DGKI: variants seen among roughly 807,000 people sequenced by gnomAD.
DGKI encodes the protein diacylglycerol kinase iota.
A neutral mutation model predicts 147.5 loss-of-function variants in DGKI; 55 were observed. The observed-to-expected ratio is 0.37, with a 90% confidence interval of 0.30 to 0.47. The LOEUF (loss-of-function observed/expected upper bound fraction) is 0.47. Ranked by LOEUF, DGKI falls within the 20% of genes least tolerant of loss-of-function variation. DGKI has a pLI of 1.00. For missense variants in DGKI, 1,007 were observed against 1,323.8 expected (o/e 0.76, Z 3.71); for synonymous variants, 469 against 477.1 (o/e 0.98, Z 0.22).
intron 27 of DGKI, among the ~76,000 whole-genome samples, chr7:137,460,718 G>T (rs1395529040): frequency 6.6e-6 from 1 of 152,136 alleles, no homozygotes; most frequent in African/African-American, 2.4e-5. Flanking sequence ...TCAGATTACA[G>T]ATTTTCCAAT....
At chr7:137,536,326 G>C (rs1817519471) in intron 20 of DGKI, among the ~76,000 whole-genome samples, 1 of 152,110 alleles carries the variant, frequency 6.6e-6, no homozygotes, top group African/African-American at 2.4e-5. Context: ...GAAGTTAGTA[G>C]GGTGTTAAAT....
At chr7:137,699,493 C>A (rs1386324454) in intron 1 of DGKI, among the ~76,000 whole-genome samples, 3 of 152,140 alleles carry the variant, frequency 2.0e-5, no homozygotes, top group Admixed American at 1.3e-4. Context: ...GCAGTGAGGT[C>A]TAATGAATAT....
chr7:137,778,572 G>C (rs1252581814), intron 1 of DGKI, among the ~76,000 whole-genome samples: 1 of 151,620 alleles, frequency 6.6e-6, no homozygotes, highest in Non-Finnish European at 1.5e-5. Context: ...TTGTTCCACA[G>C]ATAACAATTT....
intron 19 of DGKI, among the ~76,000 whole-genome samples, chr7:137,561,677 T>C (rs1309503122): frequency 6.6e-6 from 1 of 152,146 alleles, no homozygotes; most frequent in African/African-American, 2.4e-5. Flanking sequence ...ATGTATTCCA[T>C]CAATATGCAC....
At chr7:137,713,893 C>A (rs1794289919) in intron 1 of DGKI, among the ~76,000 whole-genome samples, 1 of 152,158 alleles carries the variant, frequency 6.6e-6, no homozygotes, top group South Asian at 2.1e-4. Flanking sequence ...CCCACCTCAG[C>A]CTCCCAAAGC....
At chr7:137,538,970 T>C (rs953223464) in intron 20 of DGKI, among the ~76,000 whole-genome samples, 1 of 151,824 alleles carries the variant, frequency 6.6e-6, no homozygotes, top group African/African-American at 2.4e-5. Context: ...GAAAGAGCTC[T>C]GGCAAAATGC....
chr7:137,717,334 AT>A (rs929178493), intron 1 of DGKI, among the ~76,000 whole-genome samples: 3 of 152,102 alleles, frequency 2.0e-5, no homozygotes, highest in South Asian at 4.2e-4. Context: ...AAAATTGCAT[AT>A]TTTTTTTCTT....
chr7:137,435,972 G>T lies in DGKI; in HGVS notation c.2761+8105C>A, dbSNP rs185053097. On this transcript the variant is annotated intron_variant, in intron 28 of 32. Coordinates refer to ENST00000614521, the MANE Select transcript of DGKI (RefSeq NM_001321708.2). ...TTTTTGTATTTTTAGCAGAGGCGAG[G>T]TTTCACGATGTTGGCTAGGCTGGTC... Among the ~76,000 whole-genome samples the T allele has an allele frequency of 3.5e-4, 53 of 152,268 alleles. 1 individual carries two copies. Among genetic ancestry groups the T allele is most frequent in the African/African-American group, 1.3e-3 (53 of 41,548 alleles).
intron 21 of DGKI, among the ~76,000 whole-genome samples, chr7:137,488,935 T>G (rs920819984): frequency 6.6e-6 from 1 of 152,136 alleles, no homozygotes; most frequent in Admixed American, 6.6e-5. Context: ...AAGGGGTAGA[T>G]TTTAGGCTCT....
chr7:137,634,765 T>C lies in DGKI; in HGVS notation c.804+10707A>G, dbSNP rs551565631. On this transcript the variant is annotated intron_variant, in intron 6 of 32. Transcript: ENST00000614521. Reference sequence around the variant, plus strand: ...GAAAATGCTGAGATTGGTTCATGCATGGATCAACTTGGTATATACGTCCAG... The same window carrying C: ...GAAAATGCTGAGATTGGTTCATGCACGGATCAACTTGGTATATACGTCCAG... Among the ~76,000 whole-genome samples the C allele has an allele frequency of 6.6e-5, 10 of 152,310 alleles. No homozygotes were observed. The South Asian group carries it at 1.5e-3, about 22-fold the overall frequency.
chr7:137,628,433 G>A (rs1421176777), intron 6 of DGKI, among the ~76,000 whole-genome samples: 1 of 152,134 alleles, frequency 6.6e-6, no homozygotes. Flanking sequence ...CATAAATAGA[G>A]CACATCAGAG....
chr7:137,405,888 C>G (rs189076267), intron 30 of DGKI, among the ~76,000 whole-genome samples: 8 of 152,132 alleles, frequency 5.3e-5, no homozygotes, highest in African/African-American at 1.9e-4. Context: ...AAAAAAGGAG[C>G]TGACTGCAGC....
At chr7:137,451,300 A>C (rs553439096) in intron 27 of DGKI, among the ~76,000 whole-genome samples, 1 of 152,312 alleles carries the variant, frequency 6.6e-6, no homozygotes, top group African/African-American at 2.4e-5. Flanking sequence ...GGAATGAATC[A>C]TTTTATTAGA....
chr7:137,823,315 C>T (rs565928972), intron 1 of DGKI, among the ~76,000 whole-genome samples: 1 of 152,270 alleles, frequency 6.6e-6, no homozygotes, highest in East Asian at 1.9e-4. Context: ...AGAGATATGC[C>T]TTCACATTTC....
At chr7:137,657,075 T>C (rs112883325) in intron 3 of DGKI, among the ~76,000 whole-genome samples, 6 of 152,360 alleles carry the variant, frequency 3.9e-5, no homozygotes, top group African/African-American at 1.4e-4. Flanking sequence ...TACTTCGGTT[T>C]CTGCCCAAAT....
intron 1 of DGKI, chr7:137,843,278 TA>T (rs67512711): frequency 0.027 from 6,850 of 257,896 alleles, 155 homozygotes; most frequent in African/African-American, 0.09. Context: ...TACAGCAGTT[TA>T]AAAAAAAAAA....
At chr7:137,799,622 T>C (rs1330174677) in intron 1 of DGKI, among the ~76,000 whole-genome samples, 1 of 152,222 alleles carries the variant, frequency 6.6e-6, no homozygotes, top group Non-Finnish European at 1.5e-5. Context: ...ATATTATGGT[T>C]CATCCATTTT....
chr7:137,501,856 G>T (rs13231997), intron 21 of DGKI, among the ~76,000 whole-genome samples: 1 of 152,072 alleles, frequency 6.6e-6, no homozygotes, highest in Non-Finnish European at 1.5e-5. Context: ...ATCTCATCTT[G>T]TAGCTCCCAT....
intron 1 of DGKI, among the ~76,000 whole-genome samples, chr7:137,842,549 A>G (rs571628883): frequency 1.3e-5 from 2 of 152,360 alleles, no homozygotes; most frequent in African/African-American, 4.8e-5. Context: ...AGACATACTG[A>G]CAAGCAAAAT....
Sources: gnomAD v4.1 joint callset for allele counts (sites outside exome capture counted in the v4.1 genomes callset) on GRCh38, gnomAD v4.1.1 for gene constraint, MANE v1.5 for transcripts, NCBI Gene and HGNC (gene_info 2026-07-23, HGNC 2026-07-21) for gene names.